Variants in C16orf96 observed in about 807,000 individuals in gnomAD.
C16orf96 encodes uncharacterized protein C16orf96.
Under a neutral mutation model 103.6 loss-of-function variants are expected in C16orf96, and 108 were observed. The observed-to-expected ratio is 1.04, with a 90% confidence interval of 0.89 to 1.22. The LOEUF (loss-of-function observed/expected upper bound fraction) is 1.22, where lower values mean the gene tolerates loss of function less well. Ranked by LOEUF, C16orf96 falls within the 50% of genes most tolerant of loss-of-function variation. C16orf96 has a pLI of 0.00. For missense variants in C16orf96, 1,586 were observed against 1,464.2 expected (o/e 1.08, Z -1.36); for synonymous variants, 566 against 593.5 (o/e 0.95, Z 0.67).
Position 4,600,436 on chromosome 16 carries a change from C to G in C16orf96, c.*119C>G. 1.1e-5 allele frequency: 7 copies of G among 617,044 alleles called. No individual in the cohort carries two copies. The highest frequency in any genetic ancestry group is 2.1e-5 in the African/African-American group (1 of 48,606). 38.2% of individuals were successfully genotyped at this position (617,044 alleles called of 1,614,324 possible). ...ATCGGAGGCTGAGGCCTATGTGGCC[C>G]CCCACCCCCACCCCCACCAAGTCCC... On this transcript the variant is annotated 3_prime_UTR_variant, in exon 16 of 16. Coordinates refer to ENST00000444310, the MANE Select transcript of C16orf96 (RefSeq NM_001145011.2).
chr16:4,569,176 G>A (rs962582514), intron 1 of C16orf96, among the ~76,000 whole-genome samples: 1 of 151,042 alleles, frequency 6.6e-6, no homozygotes, highest in Non-Finnish European at 1.5e-5. Flanking sequence ...CACCATGTTG[G>A]CCAGGCTGGT....
intron 1 of C16orf96, 143 bp from the exon 2 acceptor site, chr16:4,571,418 G>T: frequency 1.6e-6 from 1 of 635,978 alleles, no homozygotes; most frequent in South Asian, 2.0e-5. Flanking sequence ...AGCATCTCCT[G>T]GTCCCCTTGT....
intron 2 of C16orf96, 145 bp from the exon 3 acceptor site, chr16:4,574,564 A>C: frequency 1.5e-6 from 1 of 667,062 alleles, no homozygotes; most frequent in Non-Finnish European, 2.6e-6. Flanking sequence ...TTGTTTGCCC[A>C]TGGAACCCTT....
Position 4,600,497 on chromosome 16 carries a change from C to G in C16orf96, c.*180C>G. On this transcript the variant is annotated 3_prime_UTR_variant, in exon 16 of 16. Coordinates refer to ENST00000444310, the MANE Select transcript of C16orf96 (RefSeq NM_001145011.2). Reference sequence around the variant, plus strand: ...GAGGCTGAGGCTCATGCGCCCCCCCCCATCCCTACCAAGTCCCCTCCACGT... The same window carrying G: ...GAGGCTGAGGCTCATGCGCCCCCCCGCATCCCTACCAAGTCCCCTCCACGT... 1 of 484,854 alleles carries G rather than the reference C, an allele frequency of 2.1e-6. No individual in the cohort carries two copies. Among genetic ancestry groups the G allele is most frequent in the African/African-American group, 2.1e-5 (1 of 47,072 alleles). 30.0% of individuals were successfully genotyped at this position (484,854 alleles called of 1,614,324 possible). A position where few individuals can be genotyped will look rare whatever the true frequency, so the allele number is the denominator to read the frequency against.
chr16:4,600,633 G>T lies in C16orf96; in HGVS notation c.*316G>T. ...GGGTGCTGGGGCCCTGGATAGAGGGGAGGGGTCTGTGTAGGGGACCCCCAT... is the reference window on the plus strand; with the variant it reads ...GGGTGCTGGGGCCCTGGATAGAGGGTAGGGGTCTGTGTAGGGGACCCCCAT... On this transcript the variant is annotated 3_prime_UTR_variant, in exon 16 of 16. Transcript: ENST00000444310. 4.9e-6 allele frequency: 2 copies of T among 404,314 alleles called. No individual in the cohort carries two copies. The highest frequency in any genetic ancestry group is 9.3e-6 in the Non-Finnish European group (2 of 214,908). 25.0% of individuals were successfully genotyped at this position (404,314 alleles called of 1,614,324 possible). A position where few individuals can be genotyped will look rare whatever the true frequency, so the allele number is the denominator to read the frequency against.
At chr16:4,569,061 C>T (rs772709731) in intron 1 of C16orf96, among the ~76,000 whole-genome samples, 9 of 152,014 alleles carry the variant, frequency 5.9e-5, no homozygotes, top group African/African-American at 1.2e-4. Flanking sequence ...CCTCTGCCTC[C>T]GGGGTTCAAG....
At chr16:4,585,407 T>C (rs1252695119) in intron 7 of C16orf96, among the ~76,000 whole-genome samples, 1 of 151,736 alleles carries the variant, frequency 6.6e-6, no homozygotes, top group East Asian at 1.9e-4. Context: ...CAGTGAGCTG[T>C]GATCAAGCCA....
At chr16:4,578,884 C>G (rs1366187897) in intron 5 of C16orf96, 56 bp from the exon 6 acceptor site, 1 of 1,401,924 alleles carries the variant, frequency 7.1e-7, no homozygotes, top group Non-Finnish European at 9.9e-7. Flanking sequence ...TAGAGCCCAA[C>G]AGAAACATCT....
At chr16:4,591,822 G>A (rs759035165) in intron 10 of C16orf96, 38 bp downstream of exon 10, 2 of 1,436,608 alleles carry the variant, frequency 1.4e-6, no homozygotes, top group Non-Finnish European at 9.6e-7. Context: ...TAGGGGTCCT[G>A]CTGCCCAGGC....
Position 4,556,388 on chromosome 16 carries a change from G to T in C16orf96, c.-102G>T. 1.6e-6 allele frequency: 2 copies of T among 1,239,880 alleles called. No individual in the cohort carries two copies. The highest frequency in any genetic ancestry group is 2.2e-6 in the Non-Finnish European group (2 of 919,040). 76.8% of individuals were successfully genotyped at this position (1,239,880 alleles called of 1,614,324 possible). On this transcript the variant is annotated 5_prime_UTR_variant, in exon 1 of 16. In the 5' UTR this introduces an upstream ATG that the reference lacks. Coordinates refer to ENST00000444310, the MANE Select transcript of C16orf96 (RefSeq NM_001145011.2). ...ACTGCTGTGACTCACCACCACCCCAGGCCTCTGAGGACCAGTCCATGTAGC... is the reference window on the plus strand; with the variant it reads ...ACTGCTGTGACTCACCACCACCCCATGCCTCTGAGGACCAGTCCATGTAGC...
intron 5 of C16orf96, among the ~76,000 whole-genome samples, chr16:4,577,329 G>C (rs1032741441): frequency 1.3e-5 from 2 of 152,170 alleles, no homozygotes; most frequent in African/African-American, 4.8e-5. Flanking sequence ...CTGGAAGTTC[G>C]AGACCACCCT....
chr16:4,571,739 T>C, intron 2 of C16orf96, 74 bp downstream of exon 2: 1 of 1,327,284 alleles, frequency 7.5e-7, no homozygotes, highest in Non-Finnish European at 1.0e-6. Context: ...ATGAGGAAAA[T>C]CTAGGAAGCT....
chr16:4,591,570 G>A (rs748783169), intron 9 of C16orf96, 96 bp from the exon 10 acceptor site: 9 of 976,302 alleles, frequency 9.2e-6, no homozygotes, highest in Middle Eastern at 2.3e-4. Flanking sequence ...TTGTTACACC[G>A]TGTAACTTCC....
At chr16:4,595,586 C>G (rs572046568) in intron 14 of C16orf96, among the ~76,000 whole-genome samples, 1 of 152,262 alleles carries the variant, frequency 6.6e-6, no homozygotes, top group African/African-American at 2.4e-5. Context: ...ATGGGGAGTT[C>G]TAAATTTTGC....
chr16:4,575,119 A>C, intron 4 of C16orf96, 55 bp from the exon 5 acceptor site: 1 of 1,548,988 alleles, frequency 6.5e-7, no homozygotes, highest in Non-Finnish European at 8.7e-7. Flanking sequence ...TGGCTGACTG[A>C]GAGTGGGAGG....
intron 7 of C16orf96, 30 bp downstream of exon 7, chr16:4,580,155 G>T: frequency 2.1e-6 from 3 of 1,447,114 alleles, no homozygotes; most frequent in Non-Finnish European, 2.8e-6. Flanking sequence ...CTGGAGAAGG[G>T]CTGGCAAAGG....
rs1340353407 is a variant in C16orf96 at position 4,599,223 on chromosome 16, G to A, written c.3128-61G>A. 2.6e-5 allele frequency: 38 copies of A among 1,454,014 alleles called. No individual in the cohort carries two copies. In the South Asian group the frequency reaches 3.8e-4, roughly 14 times the overall value. The allele number at this position is 1,454,014 out of a possible 1,614,324, so 90.1% of individuals were successfully genotyped here. Reference sequence around the variant, plus strand: ...AGGGAGACTGCCCAGTGCTGGGATCGGCCTGACACAGGCCCAGGGGTGGAT... The same window carrying A: ...AGGGAGACTGCCCAGTGCTGGGATCAGCCTGACACAGGCCCAGGGGTGGAT... On this transcript the variant is annotated intron_variant, in intron 14 of 15. Transcript: ENST00000444310.
At chr16:4,545,575 CA>C in the C16orf96 span, among the ~76,000 whole-genome samples, 3 of 152,266 alleles carry the variant, frequency 2.0e-5, no homozygotes, top group East Asian at 5.8e-4. Context: ...CAACCCCCAT[CA>C]TCCTCCAGGT....
In C16orf96 at chr16:4,556,576, G is replaced by C; in HGVS notation, c.87G>C (p.Leu29=). ...GVLNFKALHL[L]LHGILEHIHM... ...TGAACTTCAAGGCCCTGCACCTCCTGCTGCACGGCATCTTGGAGCACATCC... is the reference window on the plus strand; with the variant it reads ...TGAACTTCAAGGCCCTGCACCTCCTCCTGCACGGCATCTTGGAGCACATCC... Residue 29 remains leucine (L), a synonymous_variant, in exon 1 of 16, where the codon CTG becomes CTC. Transcript: ENST00000444310. The C allele has an allele frequency of 1.3e-6, 2 of 1,551,682 alleles. No individual in the cohort carries two copies. The highest frequency in any genetic ancestry group is 1.7e-6 in the Non-Finnish European group (2 of 1,147,018).
Sources: allele counts gnomAD v4.1 joint callset (sites outside exome capture counted in the v4.1 genomes callset), GRCh38; gene constraint gnomAD v4.1.1; transcripts MANE v1.5; gene names NCBI Gene and HGNC (gene_info 2026-07-23, HGNC 2026-07-21).